KPNB1: variants seen among roughly 807,000 people sequenced by gnomAD.
KPNB1 encodes importin subunit beta-1.
A neutral mutation model predicts 113.0 loss-of-function variants in KPNB1; 7 were observed. The observed-to-expected ratio is 0.06, with a 90% CI of 0.04 to 0.12. KPNB1 has a LOEUF of 0.12. KPNB1 is among the 10% of genes least tolerant of loss of function. The pLI is 1.00. For synonymous variants in KPNB1, 363 were observed against 378.6 expected, an observed-to-expected ratio of 0.96 and a Z score of 0.48; for missense variants, 400 against 1,054.8, an observed-to-expected ratio of 0.38 and a Z score of 8.60.
Position 47,672,971 on chromosome 17 carries a change from T to C in KPNB1, c.1548-47T>C, listed in dbSNP as rs776801470. 2.0e-5 allele frequency: 31 copies of C among 1,578,102 alleles called. No homozygotes were observed. The Admixed American group carries it at 4.2e-4, about 21-fold the overall frequency. ...GCAAGACATTGTCTATGTTCTTCCC[T>C]GTCCTTTTCATTTGAGGCTTTAAGA... On this transcript the variant is annotated intron_variant, in intron 12 of 21. Coordinates refer to ENST00000290158, the MANE Select transcript of KPNB1 (RefSeq NM_002265.6).
chr17:47,669,317 C>T (rs115736925), intron 10 of KPNB1, among the ~76,000 whole-genome samples: 7,118 of 152,154 alleles, frequency 0.047, 224 homozygotes, highest in Middle Eastern at 0.16. Context: ...GTTGGTCAGG[C>T]TGGTCTTGAA....
intron 9 of KPNB1, among the ~76,000 whole-genome samples, chr17:47,665,522 C>T (rs184266460): frequency 1.3e-5 from 2 of 152,290 alleles, no homozygotes; most frequent in African/African-American, 4.8e-5. Flanking sequence ...TTGTAATATC[C>T]AGGATACTTT....
At chr17:47,661,833 G>A (rs887197626) in intron 6 of KPNB1, among the ~76,000 whole-genome samples, 45 of 152,084 alleles carry the variant, frequency 3.0e-4, no homozygotes, top group African/African-American at 9.4e-4. Flanking sequence ...AAAGGTTTTC[G>A]ATCAGCTTCG....
At chr17:47,663,461 C>G (rs947838451) in intron 7 of KPNB1, among the ~76,000 whole-genome samples, 1 of 151,528 alleles carries the variant, frequency 6.6e-6, no homozygotes, top group Middle Eastern at 3.2e-3. Context: ...GTCAGGAGTT[C>G]GAGACCAGCC....
chr17:47,677,930 TA>T, intron 17 of KPNB1, 115 bp from the exon 18 acceptor site: 1 of 1,067,228 alleles, frequency 9.4e-7, no homozygotes, highest in Non-Finnish European at 1.4e-6. Context: ...TTGTAAGCTA[TA>T]AAGGACCATC....
intron 5 of KPNB1, among the ~76,000 whole-genome samples, chr17:47,660,695 T>C (rs1252521842): frequency 6.6e-6 from 1 of 152,258 alleles, no homozygotes; most frequent in Admixed American, 6.5e-5. Context: ...CCACATTTGA[T>C]GTGAATTTGC....
At chr17:47,676,041 AG>A (rs1389297606) in intron 15 of KPNB1, among the ~76,000 whole-genome samples, 1 of 152,210 alleles carries the variant, frequency 6.6e-6, no homozygotes, top group Admixed American at 6.5e-5. Flanking sequence ...GCTGGCTTGC[AG>A]AAAGGACATG....
At chr17:47,680,721 G>A (rs561923570) in intron 21 of KPNB1, 52 bp downstream of exon 21, 4 of 1,561,080 alleles carry the variant, frequency 2.6e-6, no homozygotes, top group Admixed American at 3.8e-5. Flanking sequence ...GAGGAGGGGG[G>A]TATGTTTTCT....
chr17:47,661,284 T>A, intron 6 of KPNB1, 106 bp downstream of exon 6: 1 of 857,458 alleles, frequency 1.2e-6, no homozygotes, highest in Non-Finnish European at 2.0e-6. Flanking sequence ...AGCAATAAGG[T>A]TTGATTAATA....
At chr17:47,663,504 A>C (rs999218455) in intron 7 of KPNB1, among the ~76,000 whole-genome samples, 17 of 152,048 alleles carry the variant, frequency 1.1e-4, no homozygotes, top group African/African-American at 4.1e-4. Flanking sequence ...TCTATACTGA[A>C]AACACAAAAA....
chr17:47,663,719 T>C (rs2030178801), intron 7 of KPNB1, among the ~76,000 whole-genome samples: 2 of 151,982 alleles, frequency 1.3e-5, no homozygotes. Context: ...GCATGGTGGC[T>C]CACGCCTGTA....
rs2030566872 is a variant in KPNB1 at position 47,675,361 on chromosome 17, G to GTGTTTTTT, written c.1912+580_1912+581insGTTTTTTT. On this transcript the variant is annotated intron_variant, in intron 15 of 21. Coordinates refer to ENST00000290158, the MANE Select transcript of KPNB1 (RefSeq NM_002265.6). ...TGCAACGGAGATTGGCAGAGGTGTT[G>GTGTTTTTT]TTTTTTTTTTGTTTTTTTTTTTTGT... Among the ~76,000 whole-genome samples the GTGTTTTTT allele has an allele frequency of 6.8e-5, 6 of 88,690 alleles. 1 individual carries two copies. Among genetic ancestry groups the GTGTTTTTT allele is most frequent in the Non-Finnish European group, 4.6e-5 (2 of 43,330 alleles). 58.2% of individuals were successfully genotyped at this position (88,690 alleles called of 152,430 possible).
At position 47,663,073 on chromosome 17, in the gene KPNB1, C is replaced by A; in HGVS notation, c.697-16C>A. The A allele has an allele frequency of 7.3e-7, 1 of 1,368,012 alleles. No individual in the cohort carries two copies. Among genetic ancestry groups the A allele is most frequent in the Non-Finnish European group, 1.0e-6 (1 of 955,820 alleles). The allele number at this position is 1,368,012 out of a possible 1,614,324, so 84.7% of individuals were successfully genotyped here. A position where few individuals can be genotyped will look rare whatever the true frequency, so the allele number is the denominator to read the frequency against. ...TTGTTATTTTAGTAAACTATCTGAT[C>A]TGCTGTTCATAAAAGGTACGAGTGG... is the stretch of plus-strand genomic sequence containing the variant. On this transcript the variant is annotated splice_polypyrimidine_tract_variant and intron_variant, in intron 6 of 21. Coordinates refer to ENST00000290158, the MANE Select transcript of KPNB1 (RefSeq NM_002265.6).
chr17:47,658,270 A>G (rs544325939), intron 4 of KPNB1, among the ~76,000 whole-genome samples: 1 of 152,330 alleles, frequency 6.6e-6, no homozygotes, highest in African/African-American at 2.4e-5. Context: ...AATCATCTCT[A>G]GAATACTTAC....
chr17:47,650,015 C>T lies in KPNB1; in HGVS notation c.-230C>T. 7.3e-7 allele frequency: 1 copy of T among 1,370,618 alleles called. No homozygotes were observed. The highest frequency in any genetic ancestry group is 9.4e-7 in the Non-Finnish European group (1 of 1,068,212). 84.9% of individuals were successfully genotyped at this position (1,370,618 alleles called of 1,614,324 possible). On this transcript the variant is annotated 5_prime_UTR_variant, in exon 1 of 22. Coordinates refer to ENST00000290158, the MANE Select transcript of KPNB1 (RefSeq NM_002265.6). Reference sequence around the variant, plus strand: ...GCGCTCTGAGCTGCCCCCAGGGTCCCTCCCCCGCCGCCAGCAGCCCATTTG... The same window carrying T: ...GCGCTCTGAGCTGCCCCCAGGGTCCTTCCCCCGCCGCCAGCAGCCCATTTG...
Position 47,670,775 on chromosome 17 carries a change from A to C in KPNB1, c.1490A>C (p.Tyr497Ser). The part of the protein sequence containing the change: ...VADDQEEPAT[Y>S]CLSSSFELIV... ...GATGATCAGGAAGAACCAGCTACTTACTGCTTATCTTCTTCATTTGAACTC... is the reference window on the plus strand; with the variant it reads ...GATGATCAGGAAGAACCAGCTACTTCCTGCTTATCTTCTTCATTTGAACTC... The change falls in exon 12 of 22, where the codon TAC becomes TCC. Residue 497 changes from tyrosine to serine, a missense_variant. By Grantham distance (144) the Tyr-to-Ser change is moderately radical. Transcript: ENST00000290158. The C allele has an allele frequency of 6.2e-7, 1 of 1,613,104 alleles. No homozygotes were observed. Among genetic ancestry groups the C allele is most frequent in the Non-Finnish European group, 8.5e-7 (1 of 1,179,042 alleles).
chr17:47,656,151 G>C (rs765770705), intron 3 of KPNB1, among the ~76,000 whole-genome samples: 11 of 152,254 alleles, frequency 7.2e-5, no homozygotes, highest in South Asian at 4.1e-4. Context: ...CTACTTGCTG[G>C]GGGGAGCTAA....
intron 15 of KPNB1, among the ~76,000 whole-genome samples, chr17:47,675,358 G>GTTTTTT (rs1555619221): frequency 1.1e-4 from 10 of 88,806 alleles, no homozygotes; most frequent in Admixed American, 2.2e-4. Context: ...TGGCAGAGGT[G>GTTTTTT]TTGTTTTTTT....
Position 47,673,138 on chromosome 17 carries a change from A to G in KPNB1, c.1668A>G (p.Glu556=), listed in dbSNP as rs200182905. ...AVQKTTLVIM[E]RLQQVLQMES... is the part of the protein sequence containing the mutation. ...AGAAAACGACTTTGGTCATCATGGA[A>G]CGACTGCAACAGGTTCTTCAGATGG... Residue 556 remains glutamate (E), a synonymous_variant, in exon 13 of 22, where the codon GAA becomes GAG. Coordinates refer to ENST00000290158, the MANE Select transcript of KPNB1 (RefSeq NM_002265.6). 3 of 1,614,184 alleles carry G rather than the reference A, an allele frequency of 1.9e-6. No individual in the cohort carries two copies. The highest frequency in any genetic ancestry group is 2.5e-6 in the Non-Finnish European group (3 of 1,180,032).
Sources: allele counts gnomAD v4.1 joint callset (sites outside exome capture counted in the v4.1 genomes callset), GRCh38; gene constraint gnomAD v4.1.1; transcripts MANE v1.5; gene names NCBI Gene and HGNC (gene_info 2026-07-23, HGNC 2026-07-21).